BCL2: variants seen among roughly 807,000 people sequenced by gnomAD.
The protein encoded by BCL2 is BCL2 apoptosis regulator.
In BCL2, 1 loss-of-function variant was observed where a neutral mutation model predicts 14.2. The ratio of observed to expected loss-of-function variants is 0.07; its 90% CI spans 0.02 to 0.33. BCL2 has a LOEUF of 0.33. BCL2 is among the 10% of genes least tolerant of loss of function. The pLI is 0.99. For synonymous variants in BCL2, 151 were observed against 137.2 expected, an observed-to-expected ratio of 1.10 and a Z score of -0.70; for missense variants, 247 against 305.9, an observed-to-expected ratio of 0.81 and a Z score of 1.44.
chr18:63,282,304 G>A (rs923692576), intron 2 of BCL2, among the ~76,000 whole-genome samples: 4 of 152,134 alleles, frequency 2.6e-5, no homozygotes, highest in African/African-American at 7.2e-5. Flanking sequence ...TTCAAACTGC[G>A]ATTCCAATCC....
intron 2 of BCL2, among the ~76,000 whole-genome samples, chr18:63,211,906 A>G (rs948653780): frequency 1.3e-5 from 2 of 152,216 alleles, no homozygotes; most frequent in Non-Finnish European, 2.9e-5. Context: ...AGGTTTTACC[A>G]AAATGCAATC....
chr18:63,129,553 A>G (rs1404081768), intron 2 of BCL2, among the ~76,000 whole-genome samples: 1 of 152,216 alleles, frequency 6.6e-6, no homozygotes, highest in Non-Finnish European at 1.5e-5. Flanking sequence ...TTCTGGGATT[A>G]AAGGCATGCG....
intron 2 of BCL2, among the ~76,000 whole-genome samples, chr18:63,154,212 A>G (rs1179470028): frequency 1.3e-5 from 2 of 152,150 alleles, no homozygotes; most frequent in East Asian, 3.9e-4. Context: ...TGGACACACC[A>G]TCACTGTCAT....
Position 63,128,649 on chromosome 18 carries a change from C to T in BCL2, c.696G>A (p.Leu232=), listed in dbSNP as rs1913979050. Residue 232 remains leucine, a synonymous_variant, in exon 3 of 3, where the codon CTG becomes CTA. Transcript: ENST00000333681. ...SLALVGACIT[L]GAYLGHK is the part of the protein sequence containing the mutation. ...TTCACTTGTGGCCCAGATAGGCACC[C>T]AGGGTGATGCAAGCTCCCACCAGGG... 1 of 780,940 alleles carries T rather than the reference C, an allele frequency of 1.3e-6. No individual in the cohort carries two copies. Among genetic ancestry groups the T allele is most frequent in the East Asian group, 2.4e-5 (1 of 41,252 alleles). 48.4% of individuals were successfully genotyped at this position (780,940 alleles called of 1,614,324 possible). A position where few individuals can be genotyped will look rare whatever the true frequency, so the allele number is the denominator to read the frequency against.
chr18:63,255,469 T>C (rs1004720662), intron 2 of BCL2, among the ~76,000 whole-genome samples: 3 of 152,220 alleles, frequency 2.0e-5, no homozygotes, highest in Non-Finnish European at 4.4e-5. Context: ...GAAAGCCGTA[T>C]CTGATTCATT....
intron 2 of BCL2, among the ~76,000 whole-genome samples, chr18:63,148,136 T>C (rs1914560504): frequency 6.6e-6 from 1 of 152,210 alleles, no homozygotes; most frequent in Non-Finnish European, 1.5e-5. Flanking sequence ...AACTCAAAAC[T>C]GGTTTGGATC....
chr18:63,152,070 CATCCAAGACCCTG>C (rs1914665385), intron 2 of BCL2, among the ~76,000 whole-genome samples: 1 of 152,214 alleles, frequency 6.6e-6, no homozygotes, highest in Non-Finnish European at 1.5e-5. Context: ...TTGAGCAGGG[CATCCAAGACCCTG>C]ATCAAAACAG....
At position 63,318,831 on chromosome 18, in the gene BCL2, G is replaced by T; in HGVS notation, c.-165C>A. On this transcript the variant is annotated 5_prime_UTR_variant, in exon 2 of 3. Coordinates refer to ENST00000333681, the MANE Select transcript of BCL2 (RefSeq NM_000633.3). This position sits in a 1 kb window ranked among gnomAD's most constrained non-coding sequence, Gnocchi z 7.4. The stretch of plus-strand genomic sequence containing the variant: ...TCAATCACGCGGAACACTTGATTCT[G>T]GTGTTTCCCCCTTGGCATGAGATGC... 2 of 1,412,976 alleles carry T rather than the reference G, an allele frequency of 1.4e-6. No homozygotes were observed. Among genetic ancestry groups the T allele is most frequent in the Non-Finnish European group, 1.8e-6 (2 of 1,081,818 alleles). 87.5% of individuals were successfully genotyped at this position (1,412,976 alleles called of 1,614,324 possible).
chr18:63,223,704 C>T (rs1910468152), intron 2 of BCL2, among the ~76,000 whole-genome samples: 1 of 152,180 alleles, frequency 6.6e-6, no homozygotes, highest in Admixed American at 6.5e-5. Context: ...AGAATCTGAC[C>T]ATTCCCTGGT....
chr18:63,199,389 GAC>G (rs376943950), intron 2 of BCL2, among the ~76,000 whole-genome samples: 2,976 of 147,254 alleles, frequency 0.02, 30 homozygotes, highest in South Asian at 0.055. Flanking sequence ...GACATGCATA[GAC>G]ACACACAACA....
chr18:63,302,280 A>G, intron 2 of BCL2: 1 of 944,486 alleles, frequency 1.1e-6, no homozygotes, highest in Non-Finnish European at 1.3e-6. Context: ...CAGCCTGGGC[A>G]ACAAGAGCAA....
chr18:63,196,076 T>G (rs72943056), intron 2 of BCL2, among the ~76,000 whole-genome samples: 1,720 of 152,330 alleles, frequency 0.011, 14 homozygotes, highest in South Asian at 0.019. Context: ...TATTTTACCT[T>G]GTGGCTATTT....
At chr18:63,262,169 G>A (rs1911680299) in intron 2 of BCL2, among the ~76,000 whole-genome samples, 2 of 152,082 alleles carry the variant, frequency 1.3e-5, no homozygotes, top group South Asian at 4.2e-4. Context: ...CACCTGCCTC[G>A]GCCTCCCACA....
Position 63,319,257 on chromosome 18 carries a change from C to G in BCL2, c.-370G>C, listed in dbSNP as rs1236203129. ...CAAATGCATAAGGCAACGATCCCATCAATCTTCAGCACTCTCCAGTTATAG... is the reference window on the plus strand; with the variant it reads ...CAAATGCATAAGGCAACGATCCCATGAATCTTCAGCACTCTCCAGTTATAG... On this transcript the variant is annotated 5_prime_UTR_variant, in exon 1 of 3. Transcript: ENST00000333681. The G allele has an allele frequency of 2.1e-5, 5 of 234,434 alleles. No individual in the cohort carries two copies. The highest frequency in any genetic ancestry group is 4.2e-5 in the Non-Finnish European group (5 of 120,382). 14.5% of individuals were successfully genotyped at this position (234,434 alleles called of 1,614,324 possible).
intron 2 of BCL2, among the ~76,000 whole-genome samples, chr18:63,297,711 C>A (rs1912838649): frequency 6.6e-6 from 1 of 152,146 alleles, no homozygotes; most frequent in Non-Finnish European, 1.5e-5. Context: ...CTGTGTTGAC[C>A]TTTTCCTGTT....
Position 63,149,133 on chromosome 18 carries a change from A to G in BCL2, c.586-20374T>C, listed in dbSNP as rs1433428791. 6.6e-6 allele frequency among the ~76,000 whole-genome samples: 1 copy of G among 152,208 alleles called. No individual in the cohort carries two copies. The highest frequency in any genetic ancestry group is 1.5e-5 in the Non-Finnish European group (1 of 68,030). On this transcript the variant is annotated intron_variant, in intron 2 of 2. Transcript: ENST00000333681. This position sits in a 1 kb window ranked among gnomAD's most constrained non-coding sequence, Gnocchi z 4.2. ...ACATTATGAGAAAAGAATCAAGCTC[A>G]TTTATGTCAGCAGTCCACAACCTTT...
At chr18:63,237,250 C>T (rs761966643) in intron 2 of BCL2, among the ~76,000 whole-genome samples, 3 of 152,046 alleles carry the variant, frequency 2.0e-5, no homozygotes, top group Non-Finnish European at 4.4e-5. Context: ...AGTAAACAGG[C>T]GGGGGGGAGG....
intron 2 of BCL2, among the ~76,000 whole-genome samples, chr18:63,295,953 C>A (rs1271330097): frequency 6.6e-6 from 1 of 152,114 alleles, no homozygotes; most frequent in African/African-American, 2.4e-5. Flanking sequence ...AGAAAACGCC[C>A]CCTGGTTGTG....
intron 2 of BCL2, among the ~76,000 whole-genome samples, chr18:63,308,709 C>A (rs986825138): frequency 1.3e-4 from 20 of 152,090 alleles, no homozygotes; most frequent in African/African-American, 4.6e-4. Flanking sequence ...TTTCTTCTTT[C>A]ATTTCTATTA....
Sources: allele counts gnomAD v4.1 joint callset (sites outside exome capture counted in the v4.1 genomes callset), GRCh38; gene constraint gnomAD v4.1.1; non-coding constraint Gnocchi (gnomAD v3.1); transcripts MANE v1.5; gene names NCBI Gene and HGNC (gene_info 2026-07-23, HGNC 2026-07-21).